Variants in SLCO3A1 observed in about 807,000 individuals in gnomAD.
SLCO3A1 encodes PGE1 transporter.
SLCO3A1 carries 27 observed loss-of-function variants against 63.1 expected under a neutral mutation model. The ratio of observed to expected loss-of-function variants is 0.43; its 90% CI spans 0.32 to 0.59. SLCO3A1 has a LOEUF of 0.59. SLCO3A1 is among the 20% of genes least tolerant of loss of function. SLCO3A1 has a pLI of 0.09. For missense variants in SLCO3A1, 773 were observed against 945.8 expected (o/e 0.82, Z 2.40); for synonymous variants, 473 against 409.9 (o/e 1.15, Z -1.86).
At chr15:91,889,095 T>C (rs1248235398) in intron 1 of SLCO3A1, 5 of 1,179,794 alleles carry the variant, frequency 4.2e-6, no homozygotes, top group Non-Finnish European at 3.3e-6. Context: ...GTACTTGTTA[T>C]TACAGAATAA....
chr15:92,156,796 C>CAGATATCTTTTTAAATGTAAG (rs2048376486), intron 9 of SLCO3A1, among the ~76,000 whole-genome samples: 1 of 152,116 alleles, frequency 6.6e-6, no homozygotes, highest in Non-Finnish European at 1.5e-5. Flanking sequence ...CAGAGAGAAA[C>CAGATATCTTTTTAAATGTAAG]AGATATCTTT....
chr15:92,062,018 C>T (rs2047092869), intron 2 of SLCO3A1, among the ~76,000 whole-genome samples: 1 of 152,218 alleles, frequency 6.6e-6, no homozygotes, highest in African/African-American at 2.4e-5. Context: ...CTCCCTGGAG[C>T]TCCCACTGCC....
rs967265663 is a variant in SLCO3A1, at chr15:91,898,500, T to A, written c.181-17493T>A. Among the ~76,000 whole-genome samples, 7 of 152,326 alleles carry A rather than the reference T, an allele frequency of 4.6e-5. No individual in the cohort carries two copies. In the South Asian group the frequency reaches 1.5e-3, roughly 32 times the overall value. ...ATTATTATCTGGCCTCCAGAGCAAT[T>A]TGAGTCTCTTCTGGAGGGCTGAGAA... On this transcript the variant is annotated intron_variant, in intron 1 of 9. Coordinates refer to ENST00000318445, the MANE Select transcript of SLCO3A1 (RefSeq NM_013272.4).
intron 2 of SLCO3A1, among the ~76,000 whole-genome samples, chr15:91,987,865 T>C (rs1441311964): frequency 6.6e-6 from 1 of 152,000 alleles, no homozygotes; most frequent in East Asian, 1.9e-4. Flanking sequence ...TTAAAAGATA[T>C]AATCAGTCAG....
At chr15:91,926,600 C>CGCGCAT (rs1899034601) in intron 2 of SLCO3A1, among the ~76,000 whole-genome samples, 3 of 26,766 alleles carry the variant, frequency 1.1e-4, no homozygotes, top group South Asian at 4.3e-3. Context: ...TGTGTGTGCG[C>CGCGCAT]GCGCGCACGC....
intron 2 of SLCO3A1, among the ~76,000 whole-genome samples, chr15:92,003,642 T>C (rs2046280838): frequency 6.6e-6 from 1 of 152,194 alleles, no homozygotes; most frequent in South Asian, 2.1e-4. Context: ...AAATGAGAGC[T>C]AGACAAGATT....
intron 2 of SLCO3A1, among the ~76,000 whole-genome samples, chr15:92,052,394 A>T (rs902853679): frequency 2.0e-5 from 3 of 152,148 alleles, no homozygotes; most frequent in African/African-American, 7.2e-5. Flanking sequence ...GTTCATTATT[A>T]TGACTTCTGG....
chr15:92,058,041 GC>G (rs1453195784), intron 2 of SLCO3A1, among the ~76,000 whole-genome samples: 1 of 152,186 alleles, frequency 6.6e-6, no homozygotes, highest in African/African-American at 2.4e-5. Context: ...GGTGTGACTT[GC>G]CCGTGGTCAC....
rs1897641435 is a variant in SLCO3A1 at position 91,883,279 on chromosome 15, AAG to A, written c.180+29197_180+29198del. Among the ~76,000 whole-genome samples the A allele has an allele frequency of 6.6e-6, 1 of 152,138 alleles. No individual in the cohort carries two copies. The highest frequency in any genetic ancestry group is 2.4e-5 in the African/African-American group (1 of 41,414). On this transcript the variant is annotated intron_variant, in intron 1 of 9. Coordinates refer to ENST00000318445, the MANE Select transcript of SLCO3A1 (RefSeq NM_013272.4). The surrounding 1 kb of genome is among the most constrained non-coding windows in gnomAD (Gnocchi z 4.8). Reference sequence around the variant, plus strand: ...GTGAAGTCAGCTTGTTTGGAGAGTGAAGAGAGAAACTTGGCACCGGGACCCTA... The same window carrying A: ...GTGAAGTCAGCTTGTTTGGAGAGTGAAGAGAAACTTGGCACCGGGACCCTA...
At chr15:91,869,522 G>GAAAA (rs67400392) in intron 1 of SLCO3A1, among the ~76,000 whole-genome samples, 1 of 144,206 alleles carries the variant, frequency 6.9e-6, no homozygotes, top group African/African-American at 2.6e-5. Context: ...TGTCTCAAAG[G>GAAAA]AAAAAAAAAA....
rs199931152 is a variant in SLCO3A1, at chr15:92,147,163, A to G, written c.1688+4A>G. ...CCTCAGTCATCATCCTCATCAGGTA[A>G]GCCCTCGGCACAGCCCCGCCTCTCC... is the stretch of plus-strand genomic sequence containing the variant. On this transcript the variant is annotated splice_donor_region_variant and intron_variant, in intron 8 of 9. Transcript: ENST00000318445. The G allele has an allele frequency of 3.7e-5, 60 of 1,607,284 alleles. No individual in the cohort carries two copies. In the East Asian group the frequency reaches 1.3e-3, roughly 33 times the overall value.
At chr15:91,866,574 TTAAAAAAAAAA>T (rs1897170210) in intron 1 of SLCO3A1, among the ~76,000 whole-genome samples, 2 of 144,708 alleles carry the variant, frequency 1.4e-5, no homozygotes, top group Admixed American at 1.4e-4. Context: ...GCTCCTTTTT[TTAAAAAAAAAA>T]AAAAAAGAAA....
At chr15:91,946,918 G>A (rs1271553267) in intron 2 of SLCO3A1, among the ~76,000 whole-genome samples, 1 of 152,150 alleles carries the variant, frequency 6.6e-6, no homozygotes, top group East Asian at 1.9e-4. Flanking sequence ...GGGACCTGCC[G>A]TGCGTGCTGC....
chr15:92,108,730 C>G (rs1446129084), intron 4 of SLCO3A1, among the ~76,000 whole-genome samples: 1 of 152,186 alleles, frequency 6.6e-6, no homozygotes. Flanking sequence ...TGGAATGCAT[C>G]AGGCAGTCTC....
chr15:91,880,285 T>A (rs1897537784), intron 1 of SLCO3A1, among the ~76,000 whole-genome samples: 2 of 151,984 alleles, frequency 1.3e-5, no homozygotes, highest in Admixed American at 1.3e-4. Flanking sequence ...CCCCCAATAG[T>A]AACATATTGC....
At chr15:92,057,084 C>T (rs1295117022) in intron 2 of SLCO3A1, among the ~76,000 whole-genome samples, 1 of 152,228 alleles carries the variant, frequency 6.6e-6, no homozygotes, top group African/African-American at 2.4e-5. Context: ...TATCAGAGCA[C>T]CCAGCCAGCT....
At chr15:92,032,518 C>A (rs13329103) in intron 2 of SLCO3A1, among the ~76,000 whole-genome samples, 93,663 of 151,920 alleles carry the variant, frequency 0.62, 30,650 homozygotes, top group East Asian at 0.98. Context: ...ATGGTCGGTG[C>A]TGAAGCTGGA....
chr15:92,149,860 G>A (rs376565409), intron 8 of SLCO3A1: 3 of 152,212 alleles, frequency 2.0e-5, no homozygotes, highest in South Asian at 2.1e-4. Context: ...AGGAGAATTT[G>A]TCTCTATTTA....
At chr15:92,069,977 G>T (rs1314234253) in intron 2 of SLCO3A1, among the ~76,000 whole-genome samples, 2 of 152,214 alleles carry the variant, frequency 1.3e-5, no homozygotes, top group Admixed American at 6.5e-5. Context: ...AGCCAAACTG[G>T]TAGGCTACCC....
Sources: allele counts gnomAD v4.1 joint callset (sites outside exome capture counted in the v4.1 genomes callset), GRCh38; gene constraint gnomAD v4.1.1; non-coding constraint Gnocchi (gnomAD v3.1); transcripts MANE v1.5; gene names NCBI Gene and HGNC (gene_info 2026-07-23, HGNC 2026-07-21).